TPRG1: variants seen among roughly 807,000 people sequenced by gnomAD.
The protein encoded by TPRG1 is tumor protein p63-regulated gene 1 protein.
In TPRG1, 29 loss-of-function variants were observed where a neutral mutation model predicts 29.3. That is an observed-to-expected ratio of 0.99 (90% CI 0.74 to 1.35). The LOEUF (loss-of-function observed/expected upper bound fraction) is 1.35. Among genes scored for constraint, TPRG1 ranks in the 40% most tolerant of loss-of-function variants. The pLI is 0.00. For missense variants in TPRG1, 327 were observed against 335.0 expected (o/e 0.98, Z 0.19); for synonymous variants, 130 against 116.8 (o/e 1.11, Z -0.73).
intron 1 of TPRG1, among the ~76,000 whole-genome samples, chr3:189,185,629 TA>T (rs11322677): frequency 0.49 from 73,656 of 151,772 alleles, 18,008 homozygotes; most frequent in South Asian, 0.55. Context: ...TAGAAAGTTA[TA>T]AAAAAAGAGA....
chr3:189,205,899 T>C (rs1429687867), intron 1 of TPRG1, among the ~76,000 whole-genome samples: 1 of 152,186 alleles, frequency 6.6e-6, no homozygotes, highest in Non-Finnish European at 1.5e-5. Context: ...AACACTGTCA[T>C]CTAGAGATAA....
At chr3:189,254,614 T>C (rs1711515219) in intron 4 of TPRG1, among the ~76,000 whole-genome samples, 1 of 152,228 alleles carries the variant, frequency 6.6e-6, no homozygotes, top group African/African-American at 2.4e-5. Flanking sequence ...CTTTGGGCAG[T>C]ACGGCCATTT....
At chr3:189,110,673 T>C (rs1197001942) in intron 1 of TPRG1, among the ~76,000 whole-genome samples, 1 of 152,050 alleles carries the variant, frequency 6.6e-6, no homozygotes, top group Non-Finnish European at 1.5e-5. Flanking sequence ...GGAAGTTTTC[T>C]AGTTTTTACA....
intron 3 of TPRG1, among the ~76,000 whole-genome samples, chr3:189,013,910 T>C (rs1330500251): frequency 6.6e-6 from 1 of 152,200 alleles, no homozygotes; most frequent in Non-Finnish European, 1.5e-5. Context: ...ACCTGTGAAA[T>C]GGATCTCTTG....
At chr3:189,131,009 G>A (rs989974773) in intron 2 of TPRG1, among the ~76,000 whole-genome samples, 6 of 152,118 alleles carry the variant, frequency 3.9e-5, no homozygotes, top group Admixed American at 6.5e-5. Context: ...ACCTCTGGCC[G>A]GTAAAATACC....
chr3:189,277,848 C>A (rs939827097), intron 4 of TPRG1, among the ~76,000 whole-genome samples: 4 of 152,130 alleles, frequency 2.6e-5, no homozygotes, highest in African/African-American at 9.7e-5. Flanking sequence ...TCAACTTACT[C>A]AAAAATGGGG....
chr3:189,148,376 A>T (rs1467318083), intron 4 of TPRG1, among the ~76,000 whole-genome samples: 1 of 152,256 alleles, frequency 6.6e-6, no homozygotes, highest in African/African-American at 2.4e-5. Flanking sequence ...ACACGTGGTT[A>T]CAACTGAATA....
chr3:189,289,298 C>T (rs945588808), intron 4 of TPRG1, among the ~76,000 whole-genome samples: 15 of 152,152 alleles, frequency 9.9e-5, no homozygotes, highest in African/African-American at 3.4e-4. Context: ...TCTTTCTCCC[C>T]CCGACCCCAA....
intron 5 of TPRG1, among the ~76,000 whole-genome samples, chr3:189,316,434 T>C (rs1723539279): frequency 1.3e-5 from 2 of 152,150 alleles, no homozygotes; most frequent in African/African-American, 4.8e-5. Flanking sequence ...CTGAAACCTG[T>C]AGCCTGCAGG....
intron 5 of TPRG1, among the ~76,000 whole-genome samples, chr3:189,312,170 TTTCTTTCTTTCTTTTTTTCTTTC>T (rs1560689549): frequency 4.7e-4 from 37 of 79,364 alleles, no homozygotes; most frequent in African/African-American, 1.9e-3. Flanking sequence ...TCTTTCTTTC[TTTCTTTCTTTCTTTTTTTCTTTC>T]TTTCTTTCTT....
At chr3:189,316,537 A>G (rs1018097346) in intron 5 of TPRG1, among the ~76,000 whole-genome samples, 1 of 152,174 alleles carries the variant, frequency 6.6e-6, no homozygotes, top group Non-Finnish European at 1.5e-5. Context: ...TGATGGTTGT[A>G]ATAAGGAAAA....
intron 3 of TPRG1, among the ~76,000 whole-genome samples, chr3:189,013,736 G>T (rs1480138546): frequency 6.6e-6 from 1 of 152,080 alleles, no homozygotes. Flanking sequence ...AGGGTAGTTA[G>T]CTCTATGCTA....
chr3:189,215,825 A>G (rs145288249), intron 3 of TPRG1, among the ~76,000 whole-genome samples: 76 of 152,314 alleles, frequency 5.0e-4, no homozygotes, highest in African/African-American at 1.8e-3. Flanking sequence ...ATATACAATC[A>G]TGAACAGAAA....
Position 189,007,145 on chromosome 3 carries a change from C to T in TPRG1, c.-660+2385C>T, listed in dbSNP as rs540518409. ...TGGGAGAAAATTTTCGCAACCTACT[C>T]ATCTGACAAAGGGCTAATATCCAGA... On this transcript the variant is annotated intron_variant, in intron 3 of 10. Transcript: ENST00000433971. Among the ~76,000 whole-genome samples, 333 of 152,134 alleles carry T rather than the reference C, an allele frequency of 2.2e-3. 1 individual carries two copies. Among genetic ancestry groups the T allele is most frequent in the Non-Finnish European group, 3.8e-3 (259 of 68,000 alleles).
chr3:189,113,343 C>G (rs1720775553), intron 1 of TPRG1, among the ~76,000 whole-genome samples: 1 of 152,182 alleles, frequency 6.6e-6, no homozygotes, highest in African/African-American at 2.4e-5. Context: ...TTGACTTCCT[C>G]TTTTCCTAAT....
At chr3:189,218,280 AT>A (rs1263210526) in intron 3 of TPRG1, among the ~76,000 whole-genome samples, 1 of 151,438 alleles carries the variant, frequency 6.6e-6, no homozygotes, top group Admixed American at 6.6e-5. Flanking sequence ...CACCCAGCTA[AT>A]TTTTTGTTTT....
intron 1 of TPRG1, among the ~76,000 whole-genome samples, chr3:189,198,064 C>T (rs1287595273): frequency 1.3e-5 from 2 of 152,192 alleles, no homozygotes; most frequent in African/African-American, 4.8e-5. Flanking sequence ...TTCAGATTCT[C>T]CTCCCATTGC....
intron 5 of TPRG1, among the ~76,000 whole-genome samples, chr3:189,312,241 A>G (rs9848888): frequency 0.52 from 56,881 of 108,926 alleles, 18,254 homozygotes; most frequent in African/African-American, 0.67. Context: ...TCGCTCTGTC[A>G]CCCAGGCTGG....
chr3:188,998,515 A>C (rs1343900640), intron 1 of TPRG1, among the ~76,000 whole-genome samples: 2 of 152,252 alleles, frequency 1.3e-5, no homozygotes, highest in African/African-American at 4.8e-5. Context: ...CTGTGTAAAG[A>C]CACTAGATGG....
Sources: gnomAD v4.1 joint callset for allele counts (sites outside exome capture counted in the v4.1 genomes callset) on GRCh38, gnomAD v4.1.1 for gene constraint, MANE v1.5 for transcripts, NCBI Gene and HGNC (gene_info 2026-07-23, HGNC 2026-07-21) for gene names.